The following DGKZ variants were observed in gnomAD, a reference collection of about 807,000 sequenced individuals.
DGKZ encodes DAG kinase zeta.
DGKZ carries 45 observed loss-of-function variants against 142.5 expected under a neutral mutation model. The observed-to-expected ratio is 0.32, with a 90% CI of 0.25 to 0.40. The LOEUF (loss-of-function observed/expected upper bound fraction) is 0.40, where lower values mean the gene tolerates loss of function less well. Ranked by LOEUF, DGKZ falls within the 10% of genes least tolerant of loss-of-function variation. The pLI is 1.00. For synonymous variants in DGKZ, 442 were observed against 527.0 expected, an observed-to-expected ratio of 0.84 and a Z score of 2.21; for missense variants, 755 against 1,306.5, an observed-to-expected ratio of 0.58 and a Z score of 6.51.
chr11:46,343,941 T>C (rs938275963), upstream of DGKZ, among the ~76,000 whole-genome samples: 10 of 151,866 alleles, frequency 6.6e-5, no homozygotes, highest in African/African-American at 2.4e-4. Context: ...GCTTCATTTT[T>C]CTTTATAGCA....
At position 46,347,827 on chromosome 11, in the gene DGKZ, G is replaced by T; in HGVS notation, c.161+7G>T. 1 of 1,272,360 alleles carries T rather than the reference G, an allele frequency of 7.9e-7. No individual in the cohort carries two copies. Among genetic ancestry groups the T allele is most frequent in the Non-Finnish European group, 9.9e-7 (1 of 1,007,140 alleles). The allele number at this position is 1,272,360 out of a possible 1,614,324, so 78.8% of individuals were successfully genotyped here. A position where few individuals can be genotyped will look rare whatever the true frequency, so the allele number is the denominator to read the frequency against. On this transcript the variant is annotated splice_region_variant and intron_variant, in intron 1 of 30. Transcript: ENST00000527911. This position sits in a 1 kb window ranked among gnomAD's most constrained non-coding sequence, Gnocchi z 6.4. ...TGCGGCTCTTCGGGCACAGGTGAGC[G>T]GGGCGGCGGCGGGGCAGGCACCGAG...
At chr11:46,368,105 G>T (rs754439878) in intron 4 of DGKZ, 26 bp downstream of exon 4, 1 of 1,611,908 alleles carries the variant, frequency 6.2e-7, no homozygotes, top group East Asian at 2.2e-5. Flanking sequence ...AGCTTTGCCC[G>T]CCCCTGCCCT....
Position 46,379,839 on chromosome 11 carries a change from T to G in DGKZ, c.2697T>G (p.Thr899=), listed in dbSNP as rs548864540. Reference sequence around the variant, plus strand: ...GCTCCGCCCTCCTCCAGGGCGACACTCCCCGGCAGCGGGCTGAGAAGGCTC... The same window carrying G: ...GCTCCGCCCTCCTCCAGGGCGACACGCCCCGGCAGCGGGCTGAGAAGGCTC... The change falls in exon 31 of 31, where the codon ACT becomes ACG. Residue 899 remains threonine (T), a synonymous_variant. Transcript: ENST00000527911. 1.9e-6 allele frequency: 3 copies of G among 1,609,816 alleles called. No homozygotes were observed. In the East Asian group the frequency reaches 6.7e-5, roughly 36 times the overall value.
exon 30 of DGKZ, chr11:46,379,512 A>T (rs1590660390): frequency 1.2e-6 from 2 of 1,611,354 alleles, no homozygotes; most frequent in South Asian, 2.2e-5. Flanking sequence ...GGGCCAGCGC[A>T]CCATCTGCCA....
intron 24 of DGKZ, 172 bp downstream of exon 24, chr11:46,376,736 C>A: frequency 1.1e-6 from 1 of 915,684 alleles, no homozygotes; most frequent in Non-Finnish European, 1.7e-6. Context: ...GCCCTCCACA[C>A]TGGAGAGTAT....
chr11:46,336,792 G>A (rs1312690255), intron 1 of DGKZ, among the ~76,000 whole-genome samples: 6 of 152,112 alleles, frequency 3.9e-5, no homozygotes, highest in East Asian at 1.9e-4. Context: ...GGGCTCAAGC[G>A]ATCGCCCATC....
exon 1 of DGKZ, chr11:46,333,453 C>T: frequency 1.3e-6 from 2 of 1,536,804 alleles, no homozygotes; most frequent in Non-Finnish European, 1.8e-6. Flanking sequence ...GGAGCGTTTC[C>T]GCCAGCTGCA....
At chr11:46,362,628 A>T (rs142847057) in intron 1 of DGKZ, among the ~76,000 whole-genome samples, 1 of 152,292 alleles carries the variant, frequency 6.6e-6, no homozygotes, top group East Asian at 1.9e-4. Context: ...CATTTTGCAG[A>T]TGAGAAAATT....
At chr11:46,366,400 GC>G in intron 1 of DGKZ, 1 of 1,525,814 alleles carries the variant, frequency 6.6e-7, no homozygotes, top group African/African-American at 1.4e-5. Context: ...CACTGGCACA[GC>G]GGCGCCGCTC....
intron 1 of DGKZ, among the ~76,000 whole-genome samples, chr11:46,335,550 G>A (rs1220025159): frequency 6.6e-6 from 1 of 152,208 alleles, no homozygotes; most frequent in African/African-American, 2.4e-5. Flanking sequence ...CACCAAGGAT[G>A]CCAGGTAATC....
At chr11:46,363,274 C>T (rs1323328345) in intron 1 of DGKZ, among the ~76,000 whole-genome samples, 2 of 152,204 alleles carry the variant, frequency 1.3e-5, no homozygotes, top group African/African-American at 4.8e-5. Flanking sequence ...GAACAGGAAA[C>T]TCAGGCCTGC....
At chr11:46,379,296 C>T (rs1944939772) in intron 29 of DGKZ, 60 bp downstream of exon 29, 1 of 1,605,762 alleles carries the variant, frequency 6.2e-7, no homozygotes, top group Non-Finnish European at 8.5e-7. Context: ...TTCCCCACCC[C>T]TCCCATTTTG....
rs778354544 is a variant in DGKZ, at chr11:46,372,395, CCTGA to C, written c.928-29_928-26del. 44 of 1,610,764 alleles carry C rather than the reference CCTGA, an allele frequency of 2.7e-5. No individual in the cohort carries two copies. Among genetic ancestry groups the C allele is most frequent in the Non-Finnish European group, 3.3e-5 (39 of 1,177,240 alleles). On this transcript the variant is annotated intron_variant, in intron 10 of 30. Coordinates refer to ENST00000527911, the Ensembl canonical transcript of DGKZ. The surrounding 1 kb of genome is among the most constrained non-coding windows in gnomAD (Gnocchi z 5.9). Reference sequence around the variant, plus strand: ...CTGCTCCCACTTCGTCCCACCACTGCCTGACTGTCTCTTGGCTCCCCATCCCATC... The same window carrying C: ...CTGCTCCCACTTCGTCCCACCACTGCCTGTCTCTTGGCTCCCCATCCCATC...
At chr11:46,353,103 A>AT (rs1278807935) in intron 1 of DGKZ, among the ~76,000 whole-genome samples, 1 of 152,212 alleles carries the variant, frequency 6.6e-6, no homozygotes, top group Non-Finnish European at 1.5e-5. Context: ...GTCTTTGGTG[A>AT]TTAACAGCTG....
At chr11:46,377,258 A>T (rs1456805613) in intron 25 of DGKZ, 46 bp downstream of exon 25, 4 of 1,529,560 alleles carry the variant, frequency 2.6e-6, no homozygotes, top group Non-Finnish European at 3.5e-6. Flanking sequence ...TTTCAGCCCC[A>T]CCTGTAAGCC....
intron 1 of DGKZ, chr11:46,366,858 G>C: frequency 6.5e-7 from 1 of 1,546,322 alleles, no homozygotes; most frequent in Non-Finnish European, 8.7e-7. Context: ...GGCCCTGGGG[G>C]CCGAAGAGCC....
At chr11:46,333,738 A>C (rs1939878179) in intron 1 of DGKZ, among the ~76,000 whole-genome samples, 1 of 152,182 alleles carries the variant, frequency 6.6e-6, no homozygotes, top group Non-Finnish European at 1.5e-5. Context: ...CCAGGCGCTA[A>C]GGAGAGGAAA....
intron 21 of DGKZ, 57 bp from the exon 22 acceptor site, chr11:46,376,009 C>A: frequency 6.2e-7 from 1 of 1,611,800 alleles, no homozygotes; most frequent in Non-Finnish European, 8.5e-7. Flanking sequence ...CAGCCGGGGC[C>A]CCCTTGGGCA....
In DGKZ at chr11:46,372,354, C is replaced by T. The variant is rs1590600012; in HGVS notation, c.928-74C>T. Reference sequence around the variant, plus strand: ...TTATTGGCCCTGGTTCCCACAGTCACACCCCTCTCCCTCTGCTGCTCCCAC... The same window carrying T: ...TTATTGGCCCTGGTTCCCACAGTCATACCCCTCTCCCTCTGCTGCTCCCAC... On this transcript the variant is annotated intron_variant, in intron 10 of 30. Coordinates refer to ENST00000527911, the Ensembl canonical transcript of DGKZ. The surrounding 1 kb of genome is among the most constrained non-coding windows in gnomAD (Gnocchi z 5.9). 4.6e-6 allele frequency: 7 copies of T among 1,529,034 alleles called. No individual in the cohort carries two copies. Among genetic ancestry groups the T allele is most frequent in the East Asian group, 4.5e-5 (2 of 44,356 alleles). The allele number at this position is 1,529,034 out of a possible 1,614,324, so 94.7% of individuals were successfully genotyped here.
Sources: allele counts gnomAD v4.1 joint callset (sites outside exome capture counted in the v4.1 genomes callset), GRCh38; gene constraint gnomAD v4.1.1; non-coding constraint Gnocchi (gnomAD v3.1); transcripts MANE v1.5; gene names NCBI Gene and HGNC (gene_info 2026-07-23, HGNC 2026-07-21).